VPS13B: variants seen among roughly 807,000 people sequenced by gnomAD.
VPS13B encodes the protein intermembrane lipid transfer protein VPS13B.
A neutral mutation model predicts 426.4 loss-of-function variants in VPS13B; 285 were observed. That is an observed-to-expected ratio of 0.67 (90% CI 0.61 to 0.74). VPS13B has a LOEUF of 0.74. Among genes scored for constraint, VPS13B ranks in the 30% least tolerant of loss-of-function variants. The pLI, the probability that VPS13B is intolerant of heterozygous loss-of-function variation, is 0.00. For synonymous variants in VPS13B, 1,676 were observed against 1,676.4 expected, an observed-to-expected ratio of 1.00 and a Z score of 0.01; for missense variants, 4,537 against 4,782.6, an observed-to-expected ratio of 0.95 and a Z score of 1.51.
intron 19 of VPS13B, among the ~76,000 whole-genome samples, chr8:99,374,568 T>C (rs1563694626): frequency 1.3e-5 from 2 of 152,168 alleles, no homozygotes; most frequent in Non-Finnish European, 2.9e-5. Context: ...TCTGGCTTTT[T>C]TATATTTCAC....
intron 30 of VPS13B, among the ~76,000 whole-genome samples, chr8:99,549,976 A>G (rs1359498372): frequency 3.3e-5 from 5 of 151,940 alleles, no homozygotes; most frequent in African/African-American, 9.7e-5. Flanking sequence ...TTCCAATTTT[A>G]TTTTATACAT....
At chr8:99,108,289 A>G (rs1028991776) in intron 5 of VPS13B, among the ~76,000 whole-genome samples, 2 of 152,142 alleles carry the variant, frequency 1.3e-5, no homozygotes, top group African/African-American at 2.4e-5. Context: ...GCTATTGTGT[A>G]TAGTGCTGCA....
intron 25 of VPS13B, among the ~76,000 whole-genome samples, chr8:99,491,157 A>G (rs527983659): frequency 6.6e-6 from 1 of 152,060 alleles, no homozygotes; most frequent in East Asian, 1.9e-4. Flanking sequence ...TCATTTCGTT[A>G]TTTACCTAGT....
intron 29 of VPS13B, among the ~76,000 whole-genome samples, chr8:99,513,559 C>T (rs77165708): frequency 6.6e-6 from 1 of 152,254 alleles, no homozygotes; most frequent in African/African-American, 2.4e-5. Context: ...AAATGATTCT[C>T]AAATTTTATG....
In VPS13B at chr8:99,122,616, G is replaced by C. The variant is rs557257026; in HGVS notation, c.1206+1171G>C. On this transcript the variant is annotated intron_variant, in intron 8 of 61. Coordinates refer to ENST00000357162, the MANE Select transcript of VPS13B (RefSeq NM_152564.5). ...TATTTGTTTCCTGGACTTTTATAAT[G>C]CTATTACCATACATGTAATATTCCT... is the stretch of plus-strand genomic sequence containing the variant. 7.9e-5 allele frequency among the ~76,000 whole-genome samples: 12 copies of C among 152,024 alleles called. No individual in the cohort carries two copies. The South Asian group carries it at 2.5e-3, about 32-fold the overall frequency.
chr8:99,405,718 C>T (rs1430846115), intron 21 of VPS13B, among the ~76,000 whole-genome samples: 1 of 151,926 alleles, frequency 6.6e-6, no homozygotes, highest in Non-Finnish European at 1.5e-5. Flanking sequence ...CCCATGGCAT[C>T]TTTGTCATTT....
At chr8:99,560,181 A>T (rs2133773530) in intron 31 of VPS13B, among the ~76,000 whole-genome samples, 1 of 152,208 alleles carries the variant, frequency 6.6e-6, no homozygotes, top group East Asian at 1.9e-4. Flanking sequence ...TGTGAATGGG[A>T]GTTCACTCAT....
At chr8:99,697,399 A>G in intron 35 of VPS13B, 1 of 629,850 alleles carries the variant, frequency 1.6e-6, no homozygotes, top group South Asian at 1.9e-5. Context: ...GAGACCCTGA[A>G]GGACACTGCC....
chr8:99,553,809 A>G (rs907358255), intron 30 of VPS13B, among the ~76,000 whole-genome samples: 5 of 152,082 alleles, frequency 3.3e-5, no homozygotes. Context: ...TGTCACATAT[A>G]TGTCAATATA....
At chr8:99,780,725 C>G (rs966861018) in intron 42 of VPS13B, among the ~76,000 whole-genome samples, 4 of 152,106 alleles carry the variant, frequency 2.6e-5, no homozygotes, top group African/African-American at 9.7e-5. Context: ...TTCTTGTTTC[C>G]TCTCATGTCA....
intron 23 of VPS13B, among the ~76,000 whole-genome samples, chr8:99,450,947 A>G (rs1318014165): frequency 6.6e-6 from 1 of 152,192 alleles, no homozygotes; most frequent in Non-Finnish European, 1.5e-5. Context: ...TTATGGAAAT[A>G]TTTTGGTATA....
chr8:99,148,380 A>T (rs1810863200), intron 14 of VPS13B, among the ~76,000 whole-genome samples: 1 of 147,444 alleles, frequency 6.8e-6, no homozygotes, highest in Admixed American at 6.7e-5. Context: ...AAAAAAAAGA[A>T]AAAGATAAAA....
intron 41 of VPS13B, among the ~76,000 whole-genome samples, 161 bp from the exon 42 acceptor site, chr8:99,778,521 C>G (rs1303708065): frequency 6.6e-6 from 1 of 152,074 alleles, no homozygotes; most frequent in Non-Finnish European, 1.5e-5. Context: ...AATGGGAATC[C>G]AAAGATTATA....
chr8:99,224,812 T>C (rs965948902), intron 17 of VPS13B, among the ~76,000 whole-genome samples: 7 of 152,202 alleles, frequency 4.6e-5, no homozygotes, highest in Admixed American at 3.9e-4. Flanking sequence ...TTAAAATTTC[T>C]CTTTGGTGGT....
intron 61 of VPS13B, chr8:99,873,320 C>G (rs1817526824): frequency 6.6e-6 from 1 of 152,078 alleles, no homozygotes; most frequent in Non-Finnish European, 1.5e-5. Flanking sequence ...CTCAGTTTCC[C>G]TAGGGGTTGA....
chr8:99,062,344 A>G (rs560131566), intron 3 of VPS13B, among the ~76,000 whole-genome samples: 14 of 152,354 alleles, frequency 9.2e-5, no homozygotes, highest in African/African-American at 3.1e-4. Flanking sequence ...CATGTGCGTC[A>G]AAACCAATAA....
chr8:99,451,247 T>C (rs910267690), intron 23 of VPS13B, among the ~76,000 whole-genome samples: 1 of 152,186 alleles, frequency 6.6e-6, no homozygotes, highest in African/African-American at 2.4e-5. Context: ...AGGCTGATAC[T>C]TCCTTCAACC....
intron 38 of VPS13B, 23 bp downstream of exon 38, chr8:99,720,575 T>C: frequency 6.2e-7 from 1 of 1,606,324 alleles, no homozygotes; most frequent in Non-Finnish European, 8.5e-7. Context: ...AGACTCAGTA[T>C]GAGAGTGTCT....
chr8:99,143,089 T>C lies in VPS13B; in HGVS notation c.1767T>C (p.Ser589=). Reference sequence around the variant, plus strand: ...CTCTTGATTTTCGTTTGGATAGCAGTGCGGTGCATAGGATTTTGAAAATGA... The same window carrying C: ...CTCTTGATTTTCGTTTGGATAGCAGCGCGGTGCATAGGATTTTGAAAATGA... ...IGPLDFRLDS[S]AVHRILKMIV... is the part of the protein sequence containing the mutation. Residue 589 remains serine (S), a synonymous_variant, in exon 13 of 62, where the codon AGT becomes AGC. Transcript: ENST00000357162. 6.2e-7 allele frequency: 1 copy of C among 1,614,074 alleles called. No individual in the cohort carries two copies.
Sources: allele counts gnomAD v4.1 joint callset (sites outside exome capture counted in the v4.1 genomes callset), GRCh38; gene constraint gnomAD v4.1.1; transcripts MANE v1.5; gene names NCBI Gene and HGNC (gene_info 2026-07-23, HGNC 2026-07-21).